Variants in TENM2 observed in about 807,000 individuals in gnomAD.
The protein encoded by TENM2 is teneurin transmembrane protein 2.
A neutral mutation model predicts 245.2 loss-of-function variants in TENM2; 52 were observed. The ratio of observed to expected loss-of-function variants is 0.21; its 90% CI spans 0.17 to 0.27. The LOEUF (loss-of-function observed/expected upper bound fraction) is 0.27, where lower values mean the gene tolerates loss of function less well. Among genes scored for constraint, TENM2 ranks in the 10% least tolerant of loss-of-function variants. The probability of loss-of-function intolerance (pLI) is 1.00; values close to 1 mark genes in which losing one functional copy is unlikely to be tolerated. For synonymous variants in TENM2, 1,363 were observed against 1,438.9 expected (o/e 0.95, Z 1.19); for missense variants, 3,046 against 3,666.8 (o/e 0.83, Z 4.37).
At chr5:167,254,262 A>G in the TENM2 span, among the ~76,000 whole-genome samples, 1 of 152,158 alleles carries the variant, frequency 6.6e-6, no homozygotes, top group Admixed American at 6.6e-5. Context: ...TGCCTTCTTG[A>G]GACCTTTCCC....
At chr5:167,002,917 C>T in the TENM2 span, among the ~76,000 whole-genome samples, 1 of 151,900 alleles carries the variant, frequency 6.6e-6, no homozygotes, top group African/African-American at 2.4e-5. Context: ...TTTAAATCTC[C>T]TTTACATGAG....
chr5:167,951,542 C>T (rs903031590), intron 3 of TENM2, among the ~76,000 whole-genome samples: 9 of 152,220 alleles, frequency 5.9e-5, no homozygotes, highest in East Asian at 1.9e-4. Context: ...TCAGAGACAG[C>T]GATATCTACA....
chr5:167,445,917 G>T (rs921027161), intron 2 of TENM2, among the ~76,000 whole-genome samples: 2 of 152,094 alleles, frequency 1.3e-5, no homozygotes, highest in Non-Finnish European at 2.9e-5. Context: ...TCTTCTTGGT[G>T]CTTATGTACG....
At chr5:168,042,208 T>C (rs2152014013) in intron 5 of TENM2, among the ~76,000 whole-genome samples, 1 of 152,240 alleles carries the variant, frequency 6.6e-6, no homozygotes, top group South Asian at 2.1e-4. Context: ...CATGGCTCTC[T>C]CCTCCTGCTC....
the TENM2 span, among the ~76,000 whole-genome samples, chr5:167,107,208 G>T: frequency 1.3e-5 from 2 of 151,888 alleles, no homozygotes; most frequent in Non-Finnish European, 2.9e-5. Context: ...GTTGCAGTGA[G>T]CCGAGACTGC....
the TENM2 span, among the ~76,000 whole-genome samples, chr5:167,178,793 T>C: frequency 1.6e-4 from 24 of 152,184 alleles, no homozygotes; most frequent in African/African-American, 5.5e-4. Context: ...AAGAGTCACA[T>C]TGAGACTTGC....
intron 2 of TENM2, among the ~76,000 whole-genome samples, chr5:167,846,232 C>G (rs974136023): frequency 6.6e-6 from 1 of 152,188 alleles, no homozygotes; most frequent in African/African-American, 2.4e-5. Context: ...ATGTCACTTT[C>G]CTTGTGTCTG....
At chr5:167,037,763 T>C in the TENM2 span, among the ~76,000 whole-genome samples, 1 of 152,068 alleles carries the variant, frequency 6.6e-6, no homozygotes, top group Non-Finnish European at 1.5e-5. Flanking sequence ...TGGAAAGAGG[T>C]ACAGGCACTT....
At chr5:167,426,065 C>T (rs944514902) in intron 2 of TENM2, among the ~76,000 whole-genome samples, 3 of 152,032 alleles carry the variant, frequency 2.0e-5, no homozygotes, top group African/African-American at 7.3e-5. Flanking sequence ...GGAATGAAAT[C>T]GACTTCAAAA....
intron 9 of TENM2, among the ~76,000 whole-genome samples, chr5:168,111,504 G>A (rs1006805590): frequency 6.6e-6 from 1 of 152,158 alleles, no homozygotes; most frequent in African/African-American, 2.4e-5. Context: ...CTTTGCATTT[G>A]TATTTCATAA....
chr5:167,515,661 G>GTA lies in TENM2; in HGVS notation c.502+140194_502+140195dup, dbSNP rs1378424389. Among the ~76,000 whole-genome samples the GTA allele has an allele frequency of 2.5e-3, 209 of 84,580 alleles. 1 individual carries two copies. Among genetic ancestry groups the GTA allele is most frequent in the African/African-American group, 8.2e-3 (174 of 21,334 alleles). 55.5% of individuals were successfully genotyped at this position (84,580 alleles called of 152,430 possible). Reference sequence around the variant, plus strand: ...TATGTATATATATACACATATATACGTATATATGTGTATATATATTTTGAG... The same window carrying GTA: ...TATGTATATATATACACATATATACGTATATATATGTGTATATATATTTTGAG... On this transcript the variant is annotated intron_variant, in intron 2 of 28. Transcript: ENST00000518659.
chr5:167,101,579 A>G, the TENM2 span, among the ~76,000 whole-genome samples: 33 of 151,718 alleles, frequency 2.2e-4, no homozygotes, highest in Non-Finnish European at 4.0e-4. Flanking sequence ...CTCATGTGTA[A>G]CCAATAGAAT....
At chr5:167,760,334 T>C (rs952659143) in intron 2 of TENM2, among the ~76,000 whole-genome samples, 1 of 152,186 alleles carries the variant, frequency 6.6e-6, no homozygotes, top group Non-Finnish European at 1.5e-5. Flanking sequence ...TGACACTTTC[T>C]GTTATTACTT....
chr5:167,473,249 T>A (rs1043318180), intron 2 of TENM2, among the ~76,000 whole-genome samples: 2 of 152,194 alleles, frequency 1.3e-5, no homozygotes, highest in Non-Finnish European at 2.9e-5. Context: ...TGTCATGCCA[T>A]CCAAATTATT....
the TENM2 span, among the ~76,000 whole-genome samples, chr5:167,266,595 C>T: frequency 1.3e-5 from 2 of 152,098 alleles, no homozygotes; most frequent in African/African-American, 4.8e-5. Context: ...GGCTCTGCTA[C>T]TTTTATGTAA....
chr5:168,201,885 G>A (rs1002445914), intron 17 of TENM2, among the ~76,000 whole-genome samples: 16 of 152,054 alleles, frequency 1.1e-4, no homozygotes, highest in East Asian at 9.6e-4. Flanking sequence ...GTTGGTTCTC[G>A]AATTGCATAA....
intron 8 of TENM2, among the ~76,000 whole-genome samples, chr5:168,091,348 T>C (rs1792923078): frequency 6.6e-6 from 1 of 152,218 alleles, no homozygotes; most frequent in Non-Finnish European, 1.5e-5. Context: ...TAAGTACTTA[T>C]CATTTTGGCA....
intron 25 of TENM2, among the ~76,000 whole-genome samples, chr5:168,240,459 A>G (rs1394832013): frequency 6.6e-6 from 1 of 152,172 alleles, no homozygotes; most frequent in Admixed American, 6.5e-5. Flanking sequence ...TCTAAACTTG[A>G]GCAAGTCACT....
chr5:167,017,059 T>C, the TENM2 span, among the ~76,000 whole-genome samples: 4 of 152,202 alleles, frequency 2.6e-5, no homozygotes, highest in Admixed American at 1.3e-4. Flanking sequence ...AAGTTGGAGA[T>C]GGAATCAGCT....
Sources: gnomAD v4.1 joint callset for allele counts (sites outside exome capture counted in the v4.1 genomes callset) on GRCh38, gnomAD v4.1.1 for gene constraint, MANE v1.5 for transcripts, NCBI Gene and HGNC (gene_info 2026-07-23, HGNC 2026-07-21) for gene names.